The following PTGFRN variants were observed in gnomAD, a reference collection of about 807,000 sequenced individuals.
PTGFRN encodes prostaglandin F2 receptor inhibitor.
Under a neutral mutation model 83.2 loss-of-function variants are expected in PTGFRN, and 35 were observed. The ratio of observed to expected loss-of-function variants is 0.42; its 90% CI spans 0.32 to 0.56. The LOEUF (loss-of-function observed/expected upper bound fraction) is 0.56. Among genes scored for constraint, PTGFRN ranks in the 20% least tolerant of loss-of-function variants. PTGFRN has a pLI of 0.11. For missense variants in PTGFRN, 1,051 were observed against 1,179.5 expected (o/e 0.89, Z 1.60); for synonymous variants, 519 against 498.6 (o/e 1.04, Z -0.55).
At chr1:116,975,462 G>T (rs1651118011) in intron 7 of PTGFRN, among the ~76,000 whole-genome samples, 2 of 152,178 alleles carry the variant, frequency 1.3e-5, no homozygotes, top group Admixed American at 1.3e-4. Context: ...AGCCTAACTG[G>T]GAGGAACCCC....
chr1:116,920,059 C>G (rs566530545), intron 1 of PTGFRN, among the ~76,000 whole-genome samples: 2 of 152,378 alleles, frequency 1.3e-5, no homozygotes, highest in South Asian at 2.1e-4. Context: ...TGCCCATCTT[C>G]TGAGCACTCC....
intron 6 of PTGFRN, among the ~76,000 whole-genome samples, chr1:116,967,560 C>T (rs993850070): frequency 1.3e-5 from 2 of 152,182 alleles, no homozygotes; most frequent in Non-Finnish European, 2.9e-5. Context: ...AACCTGGACC[C>T]CTTAGCCAAT....
At chr1:116,914,447 A>G (rs768172022) in intron 1 of PTGFRN, among the ~76,000 whole-genome samples, 1 of 152,228 alleles carries the variant, frequency 6.6e-6, no homozygotes, top group Non-Finnish European at 1.5e-5. Flanking sequence ...TACAAAGGAT[A>G]TAAGGTCAAA....
chr1:116,937,490 T>A (rs1203828983), intron 1 of PTGFRN, among the ~76,000 whole-genome samples: 1 of 152,172 alleles, frequency 6.6e-6, no homozygotes, highest in East Asian at 1.9e-4. Flanking sequence ...GCTGATGGGT[T>A]GATTTTGTCC....
intron 6 of PTGFRN, among the ~76,000 whole-genome samples, chr1:116,969,965 T>G (rs1650945094): frequency 6.6e-6 from 1 of 152,194 alleles, no homozygotes; most frequent in Non-Finnish European, 1.5e-5. Flanking sequence ...TTGCTGAACT[T>G]GTTTATTAAT....
In PTGFRN at chr1:116,949,219, T is replaced by C. The variant is rs1212024824; in HGVS notation, c.860T>C (p.Val287Ala). Reference protein sequence around the residue: ...SVLRAAVPKNVSVAEGKELDL... With the variant: ...SVLRAAVPKNASVAEGKELDL... ...CTGCGAGCAGCTGTGCCCAAGAATG[T>C]GTCTGTGGCTGAAGGAAAGGAACTG... The change falls in exon 4 of 9, where the codon GTG (valine) becomes GCG (alanine). Residue 287 changes from valine (V) to alanine (A), a missense_variant. Val to Ala is a moderately conservative substitution (Grantham distance 64). Coordinates refer to ENST00000393203, the MANE Select transcript of PTGFRN (RefSeq NM_020440.4). 2 of 1,597,908 alleles carry C rather than the reference T, an allele frequency of 1.3e-6. No individual in the cohort carries two copies. The highest frequency in any genetic ancestry group is 1.7e-6 in the Non-Finnish European group (2 of 1,169,064).
Position 116,987,317 on chromosome 1 carries a change from A to G in PTGFRN, c.*350A>G. ...TTGTTTCGCGGGGTTGTGGTGAGGA[A>G]GGGGTGATGGCATGCGGAGTTCTTT... On this transcript the variant is annotated 3_prime_UTR_variant, in exon 9 of 9. Coordinates refer to ENST00000393203, the MANE Select transcript of PTGFRN (RefSeq NM_020440.4). 4.0e-6 allele frequency: 1 copy of G among 249,210 alleles called. No homozygotes were observed. Among genetic ancestry groups the G allele is most frequent in the South Asian group, 5.2e-5 (1 of 19,126 alleles). The allele number at this position is 249,210 out of a possible 1,614,324, so 15.4% of individuals were successfully genotyped here.
At chr1:116,975,870 C>T (rs1382419607) in intron 7 of PTGFRN, among the ~76,000 whole-genome samples, 5 of 152,224 alleles carry the variant, frequency 3.3e-5, no homozygotes, top group Admixed American at 2.6e-4. Flanking sequence ...AAAGCTGGAC[C>T]GAGAATGATT....
intron 1 of PTGFRN, among the ~76,000 whole-genome samples, chr1:116,915,503 C>T (rs927258076): frequency 6.6e-5 from 10 of 152,186 alleles, no homozygotes; most frequent in Non-Finnish European, 1.3e-4. Context: ...AACAGAATTC[C>T]TGTATCTGCC....
At chr1:116,939,619 T>C (rs1407221156) in intron 1 of PTGFRN, among the ~76,000 whole-genome samples, 1 of 152,212 alleles carries the variant, frequency 6.6e-6, no homozygotes, top group African/African-American at 2.4e-5. Flanking sequence ...ATTTTCCCCA[T>C]TGTCTTGGGG....
At chr1:116,913,602 G>A (rs1649327629) in intron 1 of PTGFRN, among the ~76,000 whole-genome samples, 1 of 152,158 alleles carries the variant, frequency 6.6e-6, no homozygotes, top group Admixed American at 6.5e-5. Flanking sequence ...TTCCTTCATT[G>A]TATGTAATTG....
At chr1:116,926,344 G>T (rs539312116) in intron 1 of PTGFRN, among the ~76,000 whole-genome samples, 1 of 152,362 alleles carries the variant, frequency 6.6e-6, no homozygotes, top group African/African-American at 2.4e-5. Flanking sequence ...ACGTGGAGAG[G>T]ATTGAAAATG....
chr1:116,949,078 T>TCTAA, intron 3 of PTGFRN, 114 bp from the exon 4 acceptor site: 1 of 1,337,604 alleles, frequency 7.5e-7, no homozygotes, highest in South Asian at 1.5e-5. Context: ...TACAAAGCCT[T>TCTAA]CTAACTTTAA....
rs746264704 is a variant in PTGFRN, at chr1:116,986,965, T to A, written c.2638T>A (p.Ter880LysextTer7). The change falls in exon 9 of 9, where the codon TAG becomes AAG. Residue 880 changes from the stop codon to lysine, a stop_lost. Transcript: ENST00000393203. ...RRRLMSMEMD[*>K] is the part of the protein sequence containing the mutation. ...CAGGCTCATGTCGATGGAGATGGAC[T>A]AGGCTGGCCCGGGAGGGGAGTGACA... 4 of 1,614,138 alleles carry A rather than the reference T, an allele frequency of 2.5e-6. No homozygotes were observed. The highest frequency in any genetic ancestry group is 3.4e-6 in the Non-Finnish European group (4 of 1,180,000).
intron 7 of PTGFRN, among the ~76,000 whole-genome samples, chr1:116,981,418 A>G (rs540498021): frequency 1.3e-5 from 2 of 152,292 alleles, no homozygotes; most frequent in South Asian, 4.1e-4. Flanking sequence ...TTCTATGTGG[A>G]GACTGCTGGA....
intron 8 of PTGFRN, 51 bp from the exon 9 acceptor site, chr1:116,986,750 C>T (rs372018401): frequency 8.9e-6 from 14 of 1,566,306 alleles, no homozygotes; most frequent in Non-Finnish European, 1.1e-5. Flanking sequence ...GCCCCCAAAG[C>T]GGCCTCCCTC....
At chr1:116,975,397 T>C in intron 7 of PTGFRN, among the ~76,000 whole-genome samples, 1 of 152,140 alleles carries the variant, frequency 6.6e-6, no homozygotes, top group Non-Finnish European at 1.5e-5. Flanking sequence ...AGCATGCAGC[T>C]TGAGATCTGA....
intron 8 of PTGFRN, among the ~76,000 whole-genome samples, chr1:116,986,099 G>A (rs1259129270): frequency 6.6e-6 from 1 of 152,166 alleles, no homozygotes; most frequent in Non-Finnish European, 1.5e-5. Flanking sequence ...CGTAAAATGG[G>A]ATAATAGTCT....
At chr1:116,945,866 A>G (rs987800855) in intron 3 of PTGFRN, among the ~76,000 whole-genome samples, 1 of 152,002 alleles carries the variant, frequency 6.6e-6, no homozygotes, top group African/African-American at 2.4e-5. Flanking sequence ...CTCATTGTCC[A>G]GCCAGCATCA....
Sources: allele counts gnomAD v4.1 joint callset (sites outside exome capture counted in the v4.1 genomes callset), GRCh38; gene constraint gnomAD v4.1.1; transcripts MANE v1.5; gene names NCBI Gene and HGNC (gene_info 2026-07-23, HGNC 2026-07-21).